KCNK13: variants seen among roughly 807,000 people sequenced by gnomAD.
KCNK13 encodes potassium channel subfamily K member 13.
Under a neutral mutation model 23.4 loss-of-function variants are expected in KCNK13, and 12 were observed. The ratio of observed to expected loss-of-function variants is 0.51; its 90% CI spans 0.33 to 0.83. KCNK13 has a LOEUF of 0.83. Among genes scored for constraint, KCNK13 ranks in the 40% least tolerant of loss-of-function variants. The pLI, the probability that KCNK13 is intolerant of heterozygous loss-of-function variation, is 0.02. For missense variants in KCNK13, 463 were observed against 556.3 expected, an observed-to-expected ratio of 0.83 and a Z score of 1.69; for synonymous variants, 231 against 229.5, an observed-to-expected ratio of 1.01 and a Z score of -0.06.
intron 1 of KCNK13, among the ~76,000 whole-genome samples, chr14:90,084,234 A>G (rs1029216039): frequency 2.0e-5 from 3 of 152,172 alleles, no homozygotes; most frequent in African/African-American, 7.2e-5. Flanking sequence ...TAATTTGGGG[A>G]ATTTTGCCAT....
rs558602367 is a variant in KCNK13, at chr14:90,152,490, G to A, written c.335-31621G>A. ...GTGGAGGTTGTGGTGACCCGAGATC[G>A]CGCCATTGCACTGCAGCCTGGGCAA... On this transcript the variant is annotated intron_variant, in intron 1 of 1. Transcript: ENST00000282146. Among the ~76,000 whole-genome samples the A allele has an allele frequency of 2.3e-4, 35 of 152,088 alleles. 1 individual carries two copies. Among genetic ancestry groups the A allele is most frequent in the Non-Finnish European group, 4.6e-4 (31 of 67,992 alleles).
intron 1 of KCNK13, among the ~76,000 whole-genome samples, chr14:90,143,084 T>G (rs1300774700): frequency 6.6e-6 from 1 of 151,978 alleles, no homozygotes; most frequent in Non-Finnish European, 1.5e-5. Flanking sequence ...TCCTTCCTGG[T>G]AAGGAAAAAA....
At chr14:90,133,897 T>G (rs1349471395) in intron 1 of KCNK13, among the ~76,000 whole-genome samples, 1 of 152,210 alleles carries the variant, frequency 6.6e-6, no homozygotes, top group Non-Finnish European at 1.5e-5. Flanking sequence ...TCTACCCATT[T>G]GCTTTCTCAG....
rs1566944545 is a variant in KCNK13 at position 90,062,193 on chromosome 14, C to A, written c.-13C>A. The A allele has an allele frequency of 1.4e-6, 2 of 1,385,350 alleles. No individual in the cohort carries two copies. The highest frequency in any genetic ancestry group is 3.3e-5 in the Admixed American group (1 of 30,278). 85.8% of individuals were successfully genotyped at this position (1,385,350 alleles called of 1,614,324 possible). A position where few individuals can be genotyped will look rare whatever the true frequency, so the allele number is the denominator to read the frequency against. ...GTGCCGTGGGCCTGGGGGCTGCCCC[C>A]GGGGGCCCGGCCATGGCTGGCCGGG... On this transcript the variant is annotated 5_prime_UTR_variant, in exon 1 of 2. Coordinates refer to ENST00000282146, the MANE Select transcript of KCNK13 (RefSeq NM_022054.4). The surrounding 1 kb of genome is among the most constrained non-coding windows in gnomAD (Gnocchi z 4.5).
chr14:90,090,293 T>C (rs1889328183), intron 1 of KCNK13, among the ~76,000 whole-genome samples: 2 of 152,218 alleles, frequency 1.3e-5, no homozygotes, highest in South Asian at 2.1e-4. Flanking sequence ...ATGTGAGACA[T>C]GGAGTCAAAG....
At chr14:90,160,649 C>T (rs1890242689) in intron 1 of KCNK13, among the ~76,000 whole-genome samples, 1 of 151,938 alleles carries the variant, frequency 6.6e-6, no homozygotes, top group Non-Finnish European at 1.5e-5. Flanking sequence ...TCAAGACCAG[C>T]CTGGTCAACA....
intron 1 of KCNK13, among the ~76,000 whole-genome samples, chr14:90,100,836 T>C (rs1299401871): frequency 6.6e-6 from 1 of 152,008 alleles, no homozygotes; most frequent in Non-Finnish European, 1.5e-5. Flanking sequence ...GGACCACAGG[T>C]GTGTGCCCAC....
At chr14:90,098,863 A>G (rs1301793046) in intron 1 of KCNK13, among the ~76,000 whole-genome samples, 2 of 152,142 alleles carry the variant, frequency 1.3e-5, no homozygotes, top group East Asian at 1.9e-4. Flanking sequence ...GTGGATCATG[A>G]GATCAGGAGT....
At chr14:90,137,145 G>A (rs1209428753) in intron 1 of KCNK13, among the ~76,000 whole-genome samples, 5 of 152,026 alleles carry the variant, frequency 3.3e-5, no homozygotes, top group Non-Finnish European at 7.4e-5. Flanking sequence ...TTCTGCCTTC[G>A]TGGCCTTTGA....
At chr14:90,161,012 G>A (rs571817776) in intron 1 of KCNK13, among the ~76,000 whole-genome samples, 32 of 152,084 alleles carry the variant, frequency 2.1e-4, no homozygotes, top group Non-Finnish European at 4.3e-4. Context: ...GTTCCTAACA[G>A]CATTATTCAC....
At chr14:90,146,535 C>A (rs1002610412) in intron 1 of KCNK13, among the ~76,000 whole-genome samples, 1 of 152,054 alleles carries the variant, frequency 6.6e-6, no homozygotes, top group African/African-American at 2.4e-5. Flanking sequence ...AGTCTGGTCT[C>A]GAACTCCTGA....
intron 1 of KCNK13, among the ~76,000 whole-genome samples, chr14:90,120,715 G>T (rs934921731): frequency 6.6e-6 from 1 of 152,028 alleles, no homozygotes; most frequent in African/African-American, 2.4e-5. Flanking sequence ...ATTTGGGTGG[G>T]GACACAAAGC....
chr14:90,082,883 A>G (rs1889230035), intron 1 of KCNK13, among the ~76,000 whole-genome samples: 1 of 152,218 alleles, frequency 6.6e-6, no homozygotes, highest in African/African-American at 2.4e-5. Context: ...AATGGCTATA[A>G]CATTGTATAT....
intron 1 of KCNK13, among the ~76,000 whole-genome samples, chr14:90,087,075 G>T (rs1423646479): frequency 6.9e-6 from 1 of 145,546 alleles, no homozygotes; most frequent in Non-Finnish European, 1.5e-5. Context: ...AATCATGGTG[G>T]TTATTAGCCT....
chr14:90,077,655 A>G (rs1193500253), intron 1 of KCNK13, among the ~76,000 whole-genome samples: 3 of 152,204 alleles, frequency 2.0e-5, no homozygotes, highest in African/African-American at 7.2e-5. Context: ...CAGTGCTTTC[A>G]GCAGATACTA....
At chr14:90,123,382 G>C (rs1396749607) in intron 1 of KCNK13, among the ~76,000 whole-genome samples, 1 of 152,160 alleles carries the variant, frequency 6.6e-6, no homozygotes, top group Admixed American at 6.5e-5. Flanking sequence ...TTCCCTCCGT[G>C]TGTGTCTGGG....
intron 1 of KCNK13, among the ~76,000 whole-genome samples, chr14:90,133,821 T>C (rs1889903287): frequency 6.6e-6 from 1 of 152,112 alleles, no homozygotes; most frequent in Non-Finnish European, 1.5e-5. Flanking sequence ...ATGATCCCTC[T>C]CCTGGGGCCT....
At chr14:90,156,203 C>CAA (rs58520501) in intron 1 of KCNK13, among the ~76,000 whole-genome samples, 57,129 of 131,450 alleles carry the variant, frequency 0.43, 12,340 homozygotes, top group East Asian at 0.69. Context: ...AGAGTCTGGC[C>CAA]AAAAAAAAAA....
chr14:90,131,906 A>G (rs112092574), intron 1 of KCNK13, among the ~76,000 whole-genome samples: 15,103 of 152,282 alleles, frequency 0.099, 1,062 homozygotes, highest in Admixed American at 0.25. Flanking sequence ...GAGTTACCAT[A>G]GGATCCAGCA....
Sources: gnomAD v4.1 joint callset for allele counts (sites outside exome capture counted in the v4.1 genomes callset) on GRCh38, gnomAD v4.1.1 for gene constraint, Gnocchi (gnomAD v3.1) non-coding constraint, MANE v1.5 for transcripts, NCBI Gene and HGNC (gene_info 2026-07-23, HGNC 2026-07-21) for gene names.